NEGR1: variants seen among roughly 807,000 people sequenced by gnomAD.
The protein encoded by NEGR1 is IgLON family member 4.
Under a neutral mutation model 40.9 loss-of-function variants are expected in NEGR1, and 10 were observed. That is an observed-to-expected ratio of 0.24 (90% CI 0.15 to 0.42). The LOEUF (loss-of-function observed/expected upper bound fraction) is 0.42. Among genes scored for constraint, NEGR1 ranks in the 10% least tolerant of loss-of-function variants. The pLI is 1.00. For missense variants in NEGR1, 352 were observed against 438.9 expected, an observed-to-expected ratio of 0.80 and a Z score of 1.77; for synonymous variants, 185 against 166.8, an observed-to-expected ratio of 1.11 and a Z score of -0.84.
chr1:71,825,968 T>C (rs1658607207), intron 2 of NEGR1, among the ~76,000 whole-genome samples: 1 of 151,902 alleles, frequency 6.6e-6, no homozygotes, highest in Non-Finnish European at 1.5e-5. Flanking sequence ...GTCTCTCACA[T>C]ATAGAATTTT....
At chr1:71,682,391 CTGT>C (rs1415400119) in intron 4 of NEGR1, among the ~76,000 whole-genome samples, 1 of 151,986 alleles carries the variant, frequency 6.6e-6, no homozygotes. Flanking sequence ...TTTTTCTTGT[CTGT>C]TGTTTTCACT....
chr1:72,180,932 C>T (rs1259893616), intron 1 of NEGR1, among the ~76,000 whole-genome samples: 1 of 152,032 alleles, frequency 6.6e-6, no homozygotes, highest in African/African-American at 2.4e-5. Flanking sequence ...CTCCTCACAG[C>T]TGTTTCTTTG....
intron 3 of NEGR1, among the ~76,000 whole-genome samples, chr1:71,775,637 C>A (rs962838772): frequency 6.6e-6 from 1 of 151,964 alleles, no homozygotes; most frequent in Non-Finnish European, 1.5e-5. Context: ...TGAGCCACTG[C>A]GCCCAGCCCA....
chr1:71,467,374 G>A (rs184313542), intron 6 of NEGR1, among the ~76,000 whole-genome samples: 60 of 152,074 alleles, frequency 3.9e-4, no homozygotes, highest in Admixed American at 5.2e-4. Flanking sequence ...TGTAATCTGC[G>A]TTATACATGT....
At chr1:71,606,613 T>A (rs1222209829) in intron 5 of NEGR1, among the ~76,000 whole-genome samples, 1 of 152,208 alleles carries the variant, frequency 6.6e-6, no homozygotes, top group East Asian at 1.9e-4. Flanking sequence ...GATGGTGACA[T>A]AAAGCTGAGT....
chr1:71,995,693 A>G (rs1216034365), intron 1 of NEGR1, among the ~76,000 whole-genome samples: 3 of 152,204 alleles, frequency 2.0e-5, no homozygotes, highest in African/African-American at 7.2e-5. Flanking sequence ...GAAAAGATAA[A>G]ACTTACGATT....
intron 4 of NEGR1, among the ~76,000 whole-genome samples, chr1:71,624,989 A>G (rs1377469588): frequency 6.6e-6 from 1 of 152,014 alleles, no homozygotes; most frequent in East Asian, 1.9e-4. Context: ...TGCCTGAAGC[A>G]TACTAGGCAC....
chr1:72,047,672 C>G (rs1010673173), intron 1 of NEGR1, among the ~76,000 whole-genome samples: 13 of 150,920 alleles, frequency 8.6e-5, no homozygotes, highest in Non-Finnish European at 1.3e-4. Context: ...AGAAATACTC[C>G]TATTATAAGT....
At chr1:71,689,768 A>G (rs1557614485) in intron 4 of NEGR1, among the ~76,000 whole-genome samples, 2 of 151,550 alleles carry the variant, frequency 1.3e-5, no homozygotes, top group Non-Finnish European at 2.9e-5. Context: ...GAGGAAACGA[A>G]TAATATGGCA....
intron 1 of NEGR1, among the ~76,000 whole-genome samples, chr1:72,017,652 G>T (rs1481223135): frequency 1.3e-5 from 2 of 150,722 alleles, no homozygotes; most frequent in African/African-American, 4.9e-5. Flanking sequence ...GGTCTTTCTT[G>T]TAAATCTGTT....
intron 1 of NEGR1, among the ~76,000 whole-genome samples, chr1:72,115,090 C>T (rs985462690): frequency 5.9e-5 from 9 of 151,664 alleles, no homozygotes; most frequent in African/African-American, 1.9e-4. Context: ...CAGAGTTTTG[C>T]TCTGTTAAAC....
intron 2 of NEGR1, among the ~76,000 whole-genome samples, chr1:71,802,700 C>T (rs908333055): frequency 1.3e-5 from 2 of 152,108 alleles, no homozygotes; most frequent in Non-Finnish European, 2.9e-5. Flanking sequence ...TAATAAAATG[C>T]CTTGATAGGT....
intron 1 of NEGR1, among the ~76,000 whole-genome samples, chr1:72,217,028 T>C (rs1653844541): frequency 6.6e-6 from 1 of 151,648 alleles, no homozygotes; most frequent in Non-Finnish European, 1.5e-5. Context: ...TCTTTATCTG[T>C]AAGGTTTCAA....
At chr1:71,623,726 G>T (rs1303843940) in intron 4 of NEGR1, among the ~76,000 whole-genome samples, 1 of 151,842 alleles carries the variant, frequency 6.6e-6, no homozygotes, top group Non-Finnish European at 1.5e-5. Flanking sequence ...AGAAGATGTG[G>T]GAGGAGGGGT....
rs373499453 is a variant in NEGR1 at position 71,970,412 on chromosome 1, C to T, written c.177-35101G>A. Among the ~76,000 whole-genome samples the T allele has an allele frequency of 1.6e-4, 24 of 152,028 alleles. No homozygotes were observed. The East Asian group carries it at 2.1e-3, about 13-fold the overall frequency. Reference sequence around the variant, plus strand: ...TAGAAAAAAGTCACTCAATTAAGGGCGGGACTAGGGGCTCACACCTGTAAT... The same window carrying T: ...TAGAAAAAAGTCACTCAATTAAGGGTGGGACTAGGGGCTCACACCTGTAAT... On this transcript the variant is annotated intron_variant, in intron 1 of 6. Coordinates refer to ENST00000357731, the MANE Select transcript of NEGR1 (RefSeq NM_173808.3).
chr1:71,878,530 T>C (rs1660495646), intron 2 of NEGR1, among the ~76,000 whole-genome samples: 1 of 152,232 alleles, frequency 6.6e-6, no homozygotes. Flanking sequence ...AATTATTTCA[T>C]TTTACTTTGA....
At chr1:71,626,627 C>A (rs576734281) in intron 4 of NEGR1, among the ~76,000 whole-genome samples, 42 of 151,942 alleles carry the variant, frequency 2.8e-4, no homozygotes, top group Non-Finnish European at 4.0e-4. Flanking sequence ...GCAACAAAAG[C>A]CAAAATTGAC....
At chr1:71,866,416 C>A (rs546504146) in intron 2 of NEGR1, among the ~76,000 whole-genome samples, 66 of 152,090 alleles carry the variant, frequency 4.3e-4, no homozygotes, top group Non-Finnish European at 6.6e-4. Flanking sequence ...ATAATGAAGA[C>A]CAGACACTTT....
chr1:72,195,834 C>T (rs1652982575), intron 1 of NEGR1, among the ~76,000 whole-genome samples: 1 of 151,914 alleles, frequency 6.6e-6, no homozygotes, highest in Non-Finnish European at 1.5e-5. Flanking sequence ...ATATAGTGTA[C>T]TAAAAATTAA....
Sources: gnomAD v4.1 joint callset for allele counts (sites outside exome capture counted in the v4.1 genomes callset) on GRCh38, gnomAD v4.1.1 for gene constraint, MANE v1.5 for transcripts, NCBI Gene and HGNC (gene_info 2026-07-23, HGNC 2026-07-21) for gene names.